The following MYO1B variants were observed in gnomAD, a reference collection of about 807,000 sequenced individuals.
The protein encoded by MYO1B is myosin IB.
Under a neutral mutation model 159.7 loss-of-function variants are expected in MYO1B, and 72 were observed. The observed-to-expected ratio is 0.45, with a 90% CI of 0.37 to 0.55. MYO1B has a LOEUF of 0.55. Among genes scored for constraint, MYO1B ranks in the 20% least tolerant of loss-of-function variants. The pLI, the probability that MYO1B is intolerant of heterozygous loss-of-function variation, is 0.00. For missense variants in MYO1B, 1,062 were observed against 1,364.8 expected (o/e 0.78, Z 3.50); for synonymous variants, 468 against 473.8 (o/e 0.99, Z 0.16).
At chr2:191,277,151 T>G in intron 2 of MYO1B, 121 bp downstream of exon 2, 1 of 1,221,126 alleles carries the variant, frequency 8.2e-7, no homozygotes, top group Non-Finnish European at 1.1e-6. Context: ...CAGTATTTGC[T>G]TTATACCCTC....
At chr2:191,418,622 T>G (rs1414429610) in intron 30 of MYO1B, among the ~76,000 whole-genome samples, 2 of 151,604 alleles carry the variant, frequency 1.3e-5, no homozygotes, top group African/African-American at 4.8e-5. Context: ...CTTGAGTAGC[T>G]GGGATTACAG....
intron 3 of MYO1B, among the ~76,000 whole-genome samples, chr2:191,297,520 A>G (rs1313942670): frequency 6.6e-6 from 1 of 152,210 alleles, no homozygotes; most frequent in East Asian, 1.9e-4. Context: ...ACTTTTTCGC[A>G]GTAGCATCAT....
At chr2:191,305,964 G>C (rs1689626233) in intron 3 of MYO1B, among the ~76,000 whole-genome samples, 1 of 152,046 alleles carries the variant, frequency 6.6e-6, no homozygotes, top group Admixed American at 6.5e-5. Flanking sequence ...CGTTATTTGG[G>C]TGCCCACCGT....
intron 24 of MYO1B, among the ~76,000 whole-genome samples, chr2:191,407,285 A>T (rs1696977567): frequency 6.6e-6 from 1 of 152,236 alleles, no homozygotes; most frequent in Non-Finnish European, 1.5e-5. Flanking sequence ...AGAAAACTAG[A>T]AAGAAAAGAA....
At chr2:191,379,398 A>G (rs904327795) in intron 13 of MYO1B, 1 of 152,660 alleles carries the variant, frequency 6.6e-6, no homozygotes, top group Non-Finnish European at 1.5e-5. Context: ...CAGAATCCAT[A>G]CAGGAATTTT....
chr2:191,272,896 T>A (rs1336704122), intron 1 of MYO1B, among the ~76,000 whole-genome samples: 1 of 152,194 alleles, frequency 6.6e-6, no homozygotes, highest in Non-Finnish European at 1.5e-5. Flanking sequence ...TTTGGTGTAT[T>A]ATTTAGAACA....
In MYO1B at chr2:191,390,294, G is replaced by T; in HGVS notation, c.1784G>T (p.Cys595Phe). The T allele has an allele frequency of 6.2e-7, 1 of 1,612,988 alleles. No homozygotes were observed. Among genetic ancestry groups the T allele is most frequent in the Non-Finnish European group, 8.5e-7 (1 of 1,179,092 alleles). Residue 595 changes from cysteine to phenylalanine, a missense_variant and splice_region_variant, in exon 18 of 31, where the codon TGT becomes TTT. Coordinates refer to ENST00000392318, the MANE Select transcript of MYO1B (RefSeq NM_001130158.3). Reference protein sequence around the residue: ...LQTKNPNYIRCIKPNDKKAAH... With the variant: ...LQTKNPNYIRFIKPNDKKAAH... ...CTAAAATCTTTGTGATCTTTAAGGT[G>T]TATCAAACCGAATGATAAAAAAGCA... is the stretch of plus-strand genomic sequence containing the variant.
At chr2:191,302,925 T>C (rs1394918275) in intron 3 of MYO1B, among the ~76,000 whole-genome samples, 2 of 152,240 alleles carry the variant, frequency 1.3e-5, no homozygotes, top group East Asian at 1.9e-4. Flanking sequence ...CTGTGGACTC[T>C]TTGACCCCTA....
At chr2:191,397,339 G>A (rs942342482) in intron 21 of MYO1B, among the ~76,000 whole-genome samples, 4 of 146,110 alleles carry the variant, frequency 2.7e-5, no homozygotes, top group Admixed American at 2.7e-4. Flanking sequence ...GGACCCTGCG[G>A]CCTTCCGCAG....
At chr2:191,345,669 A>G (rs1013959288) in intron 5 of MYO1B, among the ~76,000 whole-genome samples, 1 of 152,216 alleles carries the variant, frequency 6.6e-6, no homozygotes, top group Non-Finnish European at 1.5e-5. Flanking sequence ...TGATGAAACC[A>G]TGTAGCACTT....
chr2:191,397,166 G>T (rs941484113), intron 21 of MYO1B, among the ~76,000 whole-genome samples: 2 of 100,504 alleles, frequency 2.0e-5, no homozygotes, highest in Non-Finnish European at 4.3e-5. Context: ...TTGTAGGTGG[G>T]ATGTATTTTT....
intron 3 of MYO1B, among the ~76,000 whole-genome samples, chr2:191,312,380 A>G (rs1186152351): frequency 1.3e-5 from 2 of 152,176 alleles, no homozygotes; most frequent in African/African-American, 4.8e-5. Flanking sequence ...TTTGCGGTAT[A>G]TGGGAAACCA....
intron 30 of MYO1B, among the ~76,000 whole-genome samples, chr2:191,417,802 T>C (rs903363302): frequency 9.2e-5 from 14 of 152,226 alleles, no homozygotes; most frequent in African/African-American, 3.4e-4. Context: ...TTGTTGTGAT[T>C]CTCCTGAGGA....
At chr2:191,386,556 T>C (rs1695411466) in intron 16 of MYO1B, among the ~76,000 whole-genome samples, 1 of 152,164 alleles carries the variant, frequency 6.6e-6, no homozygotes, top group Non-Finnish European at 1.5e-5. Flanking sequence ...GGAATTAATT[T>C]TATGTCTAAT....
intron 3 of MYO1B, among the ~76,000 whole-genome samples, chr2:191,312,160 C>T (rs1431452815): frequency 6.6e-6 from 1 of 152,124 alleles, no homozygotes; most frequent in Non-Finnish European, 1.5e-5. Context: ...AAAATTAAAG[C>T]CAGCGCTAAT....
At chr2:191,337,273 T>A (rs1691916760) in intron 4 of MYO1B, among the ~76,000 whole-genome samples, 1 of 152,252 alleles carries the variant, frequency 6.6e-6, no homozygotes, top group South Asian at 2.1e-4. Flanking sequence ...AAAAGATTAT[T>A]ATATATGAAT....
chr2:191,277,195 G>C (rs896750722), intron 2 of MYO1B, among the ~76,000 whole-genome samples, 165 bp downstream of exon 2: 2 of 152,132 alleles, frequency 1.3e-5, no homozygotes, highest in African/African-American at 4.8e-5. Context: ...TTTAGCCCAT[G>C]AGTAATGTGG....
chr2:191,303,427 A>G (rs1689456336), intron 3 of MYO1B, among the ~76,000 whole-genome samples: 1 of 152,202 alleles, frequency 6.6e-6, no homozygotes, highest in African/African-American at 2.4e-5. Context: ...CGTCTCCACA[A>G]ATAAGTTGCA....
At chr2:191,347,844 C>G (rs530438107) in intron 6 of MYO1B, among the ~76,000 whole-genome samples, 3 of 152,104 alleles carry the variant, frequency 2.0e-5, no homozygotes, top group African/African-American at 7.2e-5. Flanking sequence ...ACTTGTACTC[C>G]GGGGAAATTG....
Sources: allele counts gnomAD v4.1 joint callset (sites outside exome capture counted in the v4.1 genomes callset), GRCh38; gene constraint gnomAD v4.1.1; transcripts MANE v1.5; gene names NCBI Gene and HGNC (gene_info 2026-07-23, HGNC 2026-07-21).